The following HHIP variants were observed in gnomAD, a reference collection of about 807,000 sequenced individuals.
HHIP encodes the protein hedgehog-interacting protein.
HHIP carries 12 observed loss-of-function variants against 74.0 expected under a neutral mutation model. The ratio of observed to expected loss-of-function variants is 0.16; its 90% CI spans 0.10 to 0.26. The LOEUF (loss-of-function observed/expected upper bound fraction) is 0.26, where lower values mean the gene tolerates loss of function less well. Ranked by LOEUF, HHIP falls within the 10% of genes least tolerant of loss-of-function variation. The probability of loss-of-function intolerance (pLI) is 1.00; values close to 1 mark genes in which losing one functional copy is unlikely to be tolerated. For missense variants in HHIP, 788 were observed against 845.0 expected, an observed-to-expected ratio of 0.93 and a Z score of 0.84; for synonymous variants, 309 against 311.6, an observed-to-expected ratio of 0.99 and a Z score of 0.09.
At chr4:144,734,947 C>A (rs947768321) in intron 12 of HHIP, 58 bp downstream of exon 12, 55 of 1,475,438 alleles carry the variant, frequency 3.7e-5, no homozygotes, top group African/African-American at 5.5e-5. Context: ...CTTAGGTACT[C>A]AAGAACTCAA....
chr4:144,696,454 T>G (rs1324953299), intron 4 of HHIP, among the ~76,000 whole-genome samples: 1 of 151,954 alleles, frequency 6.6e-6, no homozygotes, highest in Non-Finnish European at 1.5e-5. Flanking sequence ...TGAGCTTCAT[T>G]TTATTCCCTT....
At chr4:144,700,811 T>A (rs183597599) in intron 4 of HHIP, among the ~76,000 whole-genome samples, 89 of 152,258 alleles carry the variant, frequency 5.8e-4, no homozygotes, top group African/African-American at 2.0e-3. Flanking sequence ...AGATAAAAAA[T>A]TTATGTTATT....
chr4:144,649,552 A>T (rs929815802), intron 1 of HHIP, among the ~76,000 whole-genome samples: 1 of 152,196 alleles, frequency 6.6e-6, no homozygotes, highest in Non-Finnish European at 1.5e-5. Flanking sequence ...AAGTCATATT[A>T]TCTTAGCAAT....
chr4:144,717,515 G>A (rs1703347486), intron 10 of HHIP, among the ~76,000 whole-genome samples: 1 of 152,034 alleles, frequency 6.6e-6, no homozygotes, highest in African/African-American at 2.4e-5. Flanking sequence ...CATGGGGGAG[G>A]ACCAAATATA....
At chr4:144,723,639 T>C (rs990023701) in intron 11 of HHIP, among the ~76,000 whole-genome samples, 4 of 152,154 alleles carry the variant, frequency 2.6e-5, no homozygotes, top group African/African-American at 9.7e-5. Flanking sequence ...ACAGTGCCTG[T>C]TGACCCAGCT....
chr4:144,709,454 G>A (rs1730229909), intron 7 of HHIP, among the ~76,000 whole-genome samples: 1 of 152,102 alleles, frequency 6.6e-6, no homozygotes, highest in African/African-American at 2.4e-5. Context: ...GAACCTCAAT[G>A]CAAAAACATG....
At chr4:144,687,149 C>T (rs1163527236) in intron 4 of HHIP, among the ~76,000 whole-genome samples, 1 of 152,132 alleles carries the variant, frequency 6.6e-6, no homozygotes, top group African/African-American at 2.4e-5. Flanking sequence ...AATAATCCTG[C>T]TTATGTTTAT....
chr4:144,659,097 A>G (rs1490791482), intron 3 of HHIP, 151 bp downstream of exon 3: 2 of 593,114 alleles, frequency 3.4e-6, no homozygotes, highest in Non-Finnish European at 5.6e-6. Context: ...TTGTTTCTCT[A>G]AAATTCTAGC....
rs1335450236 is a variant in HHIP at position 144,740,284 on chromosome 4, T to C, written c.*2327T>C. On this transcript the variant is annotated 3_prime_UTR_variant, in exon 13 of 13. Coordinates refer to ENST00000296575, the MANE Select transcript of HHIP (RefSeq NM_022475.3). ...GGTGTTCTATTGCCATTAGTTCTAC[T>C]GTTTTAAAATATCTATATTAAGTTG... 1 of 152,226 alleles carries C rather than the reference T, an allele frequency of 6.6e-6. No individual in the cohort carries two copies. The highest frequency in any genetic ancestry group is 1.5e-5 in the Non-Finnish European group (1 of 68,036). The allele number at this position is 152,226 out of a possible 1,614,324, so 9.4% of individuals were successfully genotyped here.
At chr4:144,688,275 A>G (rs1348706286) in intron 4 of HHIP, among the ~76,000 whole-genome samples, 2 of 152,214 alleles carry the variant, frequency 1.3e-5, no homozygotes, top group African/African-American at 2.4e-5. Flanking sequence ...AAGCAGGAAA[A>G]AAAAAATTGT....
chr4:144,719,115 G>T lies in HHIP; in HGVS notation c.1760+159G>T, dbSNP rs111283241. 6.4e-3 allele frequency among the ~76,000 whole-genome samples: 972 copies of T among 152,076 alleles called. 13 individuals are homozygous for T. Among genetic ancestry groups the T allele is most frequent in the African/African-American group, 0.022 (922 of 41,478 alleles). On this transcript the variant is annotated intron_variant, in intron 11 of 12. Coordinates refer to ENST00000296575, the MANE Select transcript of HHIP (RefSeq NM_022475.3). ...GAGCTGTCCTGAAAGGATTTTCTTC[G>T]CCTGTCTATGATGACTGATGCCACT...
intron 4 of HHIP, among the ~76,000 whole-genome samples, chr4:144,680,448 A>G (rs1729302873): frequency 6.6e-6 from 1 of 152,150 alleles, no homozygotes; most frequent in Admixed American, 6.5e-5. Flanking sequence ...TAGCTAGAGG[A>G]TTGTTACCAG....
At chr4:144,679,539 TA>T (rs1054071654) in intron 4 of HHIP, among the ~76,000 whole-genome samples, 2 of 152,212 alleles carry the variant, frequency 1.3e-5, no homozygotes, top group Non-Finnish European at 2.9e-5. Flanking sequence ...CATCTTGAGT[TA>T]ATTTTTGTAT....
rs1174297815 is a variant in HHIP, at chr4:144,684,232, A to ATT, written c.832-22256_832-22255dup. ...ATGAAAAATACAAAAAAAAAAAAGA[A>ATT]TTTTTTTTTTTTTTTTTTTTTTTTT... On this transcript the variant is annotated intron_variant, in intron 4 of 12. Transcript: ENST00000296575. 1.1e-3 allele frequency among the ~76,000 whole-genome samples: 68 copies of ATT among 63,008 alleles called. 11 individuals carry two copies. Among genetic ancestry groups the ATT allele is most frequent in the East Asian group, 3.3e-3 (7 of 2,132 alleles). The allele number at this position is 63,008 out of a possible 152,430, so 41.3% of individuals were successfully genotyped here. A position where few individuals can be genotyped will look rare whatever the true frequency, so the allele number is the denominator to read the frequency against.
At chr4:144,702,976 G>A (rs898597103) in intron 4 of HHIP, among the ~76,000 whole-genome samples, 1 of 152,268 alleles carries the variant, frequency 6.6e-6, no homozygotes, top group East Asian at 1.9e-4. Flanking sequence ...CAGCACTTTG[G>A]GAGGCCGAGG....
intron 5 of HHIP, 73 bp from the exon 6 acceptor site, chr4:144,707,014 T>G: frequency 7.9e-7 from 1 of 1,271,194 alleles, no homozygotes; most frequent in East Asian, 2.3e-5. Flanking sequence ...TTCATTTATA[T>G]ACTATTCACT....
chr4:144,669,700 G>T (rs1728978928), intron 4 of HHIP, among the ~76,000 whole-genome samples: 1 of 152,076 alleles, frequency 6.6e-6, no homozygotes, highest in African/African-American at 2.4e-5. Flanking sequence ...AATTTAATCT[G>T]ATTATAGAAC....
intron 11 of HHIP, among the ~76,000 whole-genome samples, chr4:144,728,538 A>G (rs1730859349): frequency 1.3e-5 from 2 of 152,202 alleles, no homozygotes; most frequent in African/African-American, 2.4e-5. Context: ...CTTGAATTCA[A>G]AGGTTTTTTT....
chr4:144,656,730 C>T (rs951098928), intron 2 of HHIP, among the ~76,000 whole-genome samples: 4 of 152,062 alleles, frequency 2.6e-5, no homozygotes, highest in African/African-American at 7.2e-5. Context: ...GATTTTGTTG[C>T]CTGATGGTAA....
Sources: allele counts gnomAD v4.1 joint callset (sites outside exome capture counted in the v4.1 genomes callset), GRCh38; gene constraint gnomAD v4.1.1; transcripts MANE v1.5; gene names NCBI Gene and HGNC (gene_info 2026-07-23, HGNC 2026-07-21).